The following LITAF variants were observed in gnomAD, a reference collection of about 807,000 sequenced individuals.
LITAF encodes lipopolysaccharide induced TNF factor.
A neutral mutation model predicts 14.5 loss-of-function variants in LITAF; 9 were observed. The ratio of observed to expected loss-of-function variants is 0.62; its 90% CI spans 0.37 to 1.08. The LOEUF is 1.08. Among genes scored for constraint, LITAF ranks in the 50% least tolerant of loss-of-function variants. The pLI, the probability that LITAF is intolerant of heterozygous loss-of-function variation, is 0.01. For missense variants in LITAF, 206 were observed against 213.4 expected, an observed-to-expected ratio of 0.97 and a Z score of 0.22; for synonymous variants, 98 against 88.2, an observed-to-expected ratio of 1.11 and a Z score of -0.62.
chr16:11,587,185 C>G (rs2064817669), upstream of LITAF: 1 of 343,768 alleles, frequency 2.9e-6, no homozygotes, highest in Non-Finnish European at 5.8e-6. Flanking sequence ...GGTGTCTCCC[C>G]CACTCTCCTA....
In LITAF at chr16:11,556,566, G is replaced by A. The variant is rs1296996029; in HGVS notation, c.165C>T (p.Gly55=). The A allele has an allele frequency of 6.2e-7, 1 of 1,614,198 alleles. No individual in the cohort carries two copies. The highest frequency in any genetic ancestry group is 1.7e-5 in the Admixed American group (1 of 60,016). ...TGLVTGPDGK[G]MNPPSYYTQP... is the part of the protein sequence containing the mutation. ...GGGTATAATACGAAGGAGGATTCATGCCCTTCCCATCAGGCCCCGTCACAA... is the reference window on the plus strand; with the variant it reads ...GGGTATAATACGAAGGAGGATTCATACCCTTCCCATCAGGCCCCGTCACAA... The change falls in exon 2 of 4, where the codon GGC becomes GGT. Residue 55 remains glycine (G), a synonymous_variant. Transcript: ENST00000622633.
intron 3 of LITAF, among the ~76,000 whole-genome samples, chr16:11,615,791 AAGCCCTTGGACCCTCCTC>A (rs1408991010): frequency 6.6e-6 from 1 of 152,180 alleles, no homozygotes; most frequent in Non-Finnish European, 1.5e-5. Flanking sequence ...AGAGCTGCCA[AAGCCCTTGGACCCTCCTC>A]AGTGATTAGA....
chr16:11,623,588 A>G (rs2065064234), intron 3 of LITAF, among the ~76,000 whole-genome samples: 1 of 151,724 alleles, frequency 6.6e-6, no homozygotes, highest in African/African-American at 2.4e-5. Context: ...TGAACCCAGG[A>G]GGCAGAGGTT....
Position 11,558,268 on chromosome 16 carries a change from T to C in LITAF, c.-5-1533A>G, listed in dbSNP as rs1052562496. ...CTCTGGAGGAACCGAAGAAAGGGTATTCACCTCAAAGTGGAAACAGAGACC... is the reference window on the plus strand; with the variant it reads ...CTCTGGAGGAACCGAAGAAAGGGTACTCACCTCAAAGTGGAAACAGAGACC... On this transcript the variant is annotated intron_variant, in intron 1 of 3. Coordinates refer to ENST00000622633, the MANE Select transcript of LITAF (RefSeq NM_001136472.2). The surrounding 1 kb of genome is among the most constrained non-coding windows in gnomAD (Gnocchi z 4.1). Among the ~76,000 whole-genome samples, 5 of 152,158 alleles carry C rather than the reference T, an allele frequency of 3.3e-5. No individual in the cohort carries two copies. Among genetic ancestry groups the C allele is most frequent in the Non-Finnish European group, 5.9e-5 (4 of 68,020 alleles).
At chr16:11,580,404 C>A (rs924414192) in intron 1 of LITAF, among the ~76,000 whole-genome samples, 7 of 151,876 alleles carry the variant, frequency 4.6e-5, no homozygotes, top group Non-Finnish European at 1.0e-4. Flanking sequence ...ATTACAGATG[C>A]CCACCACCAC....
intron 3 of LITAF, among the ~76,000 whole-genome samples, chr16:11,610,506 G>T (rs1306890270): frequency 2.0e-5 from 3 of 152,152 alleles, no homozygotes; most frequent in Non-Finnish European, 4.4e-5. Flanking sequence ...GATGGCTTGA[G>T]AATCAAAAGC....
rs891772246 is a variant in LITAF at position 11,632,146 on chromosome 16, C to A, written c.85+1387G>T. Among the ~76,000 whole-genome samples the A allele has an allele frequency of 3.3e-5, 5 of 152,134 alleles. No individual in the cohort carries two copies. The highest frequency in any genetic ancestry group is 1.2e-4 in the African/African-American group (5 of 41,438). On this transcript the variant is annotated intron_variant, in intron 3 of 3. Transcript: ENST00000574848. The surrounding 1 kb of genome is among the most constrained non-coding windows in gnomAD (Gnocchi z 4.8). ...CCTCCCAAAGTGCTGGGATTACAGGCGTGAGCCACTGCGCCCGGCCTCGCA... is the reference window on the plus strand; with the variant it reads ...CCTCCCAAAGTGCTGGGATTACAGGAGTGAGCCACTGCGCCCGGCCTCGCA...
rs183831826 is a variant in LITAF, at chr16:11,572,640, A to G, written c.-6+14246T>C. Among the ~76,000 whole-genome samples, 71 of 152,282 alleles carry G rather than the reference A, an allele frequency of 4.7e-4. No individual in the cohort carries two copies. In the East Asian group the frequency reaches 0.01, roughly 22 times the overall value. On this transcript the variant is annotated intron_variant, in intron 1 of 3. Coordinates refer to ENST00000622633, the MANE Select transcript of LITAF (RefSeq NM_001136472.2). ...ACCGGCCACAGGGCATCAGGCCAGCACTCCTCAAAACTGTCAAAGTCACGG... is the reference window on the plus strand; with the variant it reads ...ACCGGCCACAGGGCATCAGGCCAGCGCTCCTCAAAACTGTCAAAGTCACGG...
Position 11,547,857 on chromosome 16 carries a change from C to G in LITAF, c.*1780G>C. On this transcript the variant is annotated 3_prime_UTR_variant, in exon 4 of 4. Transcript: ENST00000622633. ...CCCAACTCAACATCGGTCATCTTGA[C>G]ATTGCAGGATATTCAGCAAGTCTGA... 2.2e-6 allele frequency: 1 copy of G among 454,100 alleles called. No individual in the cohort carries two copies. Among genetic ancestry groups the G allele is most frequent in the Non-Finnish European group, 4.4e-6 (1 of 226,800 alleles). 28.1% of individuals were successfully genotyped at this position (454,100 alleles called of 1,614,324 possible).
intron 3 of LITAF, among the ~76,000 whole-genome samples, chr16:11,625,041 A>G (rs961785957): frequency 6.6e-6 from 1 of 152,168 alleles, no homozygotes; most frequent in Admixed American, 6.5e-5. Flanking sequence ...GGACCCAGGA[A>G]GGTGAGACAA....
At chr16:11,570,691 G>T (rs933366600) in intron 1 of LITAF, among the ~76,000 whole-genome samples, 2 of 152,130 alleles carry the variant, frequency 1.3e-5, no homozygotes, top group African/African-American at 4.8e-5. Flanking sequence ...GTCCTTATAA[G>T]AGAAAGGTAG....
rs2064344549 is a variant in LITAF, at chr16:11,560,519, G to A, written c.-5-3784C>T. Among the ~76,000 whole-genome samples the A allele has an allele frequency of 5.3e-5, 8 of 151,338 alleles. No individual in the cohort carries two copies. The South Asian group carries it at 1.7e-3, about 31-fold the overall frequency. ...CCAGCACTTAACCTGGGAGGCAGAGGTTGCAGCGAGCTGAGATCACACCAC... is the reference window on the plus strand; with the variant it reads ...CCAGCACTTAACCTGGGAGGCAGAGATTGCAGCGAGCTGAGATCACACCAC... On this transcript the variant is annotated intron_variant, in intron 1 of 3. Transcript: ENST00000622633.
At chr16:11,622,335 C>T (rs2141895355) in intron 3 of LITAF, among the ~76,000 whole-genome samples, 1 of 152,394 alleles carries the variant, frequency 6.6e-6, no homozygotes, top group African/African-American at 2.4e-5. Flanking sequence ...CTGCGGCCTC[C>T]CCCTGCTCCC....
chr16:11,553,333 C>G lies in LITAF; in HGVS notation c.377+200G>C. Reference sequence around the variant, plus strand: ...CGCTAAGGCAGGAGAATCGTTTGAACCTGAGCAGTGGGGGTTACAGTGAGC... The same window carrying G: ...CGCTAAGGCAGGAGAATCGTTTGAAGCTGAGCAGTGGGGGTTACAGTGAGC... On this transcript the variant is annotated intron_variant, in intron 3 of 3. Transcript: ENST00000622633. This position sits in a 1 kb window ranked among gnomAD's most constrained non-coding sequence, Gnocchi z 7.7. 1 of 598,154 alleles carries G rather than the reference C, an allele frequency of 1.7e-6. No individual in the cohort carries two copies. Among genetic ancestry groups the G allele is most frequent in the East Asian group, 3.0e-5 (1 of 33,560 alleles). The allele number at this position is 598,154 out of a possible 1,614,324, so 37.1% of individuals were successfully genotyped here.
intron 3 of LITAF, among the ~76,000 whole-genome samples, chr16:11,626,907 A>G (rs921299451): frequency 4.0e-5 from 6 of 151,396 alleles, no homozygotes; most frequent in Admixed American, 1.3e-4. Context: ...CAGTGGCACG[A>G]TCTTGGCTCA....
upstream of LITAF, among the ~76,000 whole-genome samples, chr16:11,599,477 G>A (rs1375849047): frequency 6.6e-6 from 1 of 151,990 alleles, no homozygotes; most frequent in Non-Finnish European, 1.5e-5. Context: ...ACCCTGCAAG[G>A]CCCATGAGTG....
rs199813387 is a variant in LITAF at position 11,548,811 on chromosome 16, GT to G, written c.*825del. 15 of 449,712 alleles carry G rather than the reference GT, an allele frequency of 3.3e-5. No individual in the cohort carries two copies. The highest frequency in any genetic ancestry group is 6.1e-5 in the African/African-American group (3 of 49,194). 27.9% of individuals were successfully genotyped at this position (449,712 alleles called of 1,614,324 possible). ...GGCAACATAGTAAGACCCCATCTCT[GT>G]TTTTTTTTAAAAAAAAGAAATTCTG... On this transcript the variant is annotated 3_prime_UTR_variant, in exon 4 of 4. Coordinates refer to ENST00000622633, the MANE Select transcript of LITAF (RefSeq NM_001136472.2).
intron 3 of LITAF, among the ~76,000 whole-genome samples, chr16:11,633,015 C>A (rs183081480): frequency 5.3e-5 from 8 of 152,326 alleles, no homozygotes; most frequent in Admixed American, 5.2e-4. Context: ...ACCCATGATA[C>A]CCTCTTGGAG....
upstream of LITAF, among the ~76,000 whole-genome samples, chr16:11,638,064 A>C (rs529260610): frequency 1.5e-5 from 2 of 131,040 alleles, 1 homozygote; most frequent in South Asian, 4.4e-4. Context: ...CTATATATAT[A>C]TCTATATATA....
Sources: gnomAD v4.1 joint callset for allele counts (sites outside exome capture counted in the v4.1 genomes callset) on GRCh38, gnomAD v4.1.1 for gene constraint, Gnocchi (gnomAD v3.1) non-coding constraint, MANE v1.5 for transcripts, NCBI Gene and HGNC (gene_info 2026-07-23, HGNC 2026-07-21) for gene names.